Variants in PFDN1 observed in about 807,000 individuals in gnomAD.
PFDN1 encodes prefoldin 1.
A neutral mutation model predicts 17.3 loss-of-function variants in PFDN1; 6 were observed. The observed-to-expected ratio is 0.35, with a 90% CI of 0.19 to 0.69. PFDN1 has a LOEUF of 0.69. Ranked by LOEUF, PFDN1 falls within the 30% of genes least tolerant of loss-of-function variation. The pLI is 0.65. For missense variants in PFDN1, 113 were observed against 146.2 expected (o/e 0.77, Z 1.17); for synonymous variants, 58 against 50.1 (o/e 1.16, Z -0.67).
chr5:140,279,415 A>G (rs1246653989), intron 3 of PFDN1, among the ~76,000 whole-genome samples: 3 of 152,126 alleles, frequency 2.0e-5, no homozygotes, highest in Non-Finnish European at 2.9e-5. Flanking sequence ...GCAGAAAGTA[A>G]ATTTCTTAAT....
At chr5:140,274,530 G>A (rs2116790) in intron 3 of PFDN1, among the ~76,000 whole-genome samples, 71,680 of 151,950 alleles carry the variant, frequency 0.47, 17,143 homozygotes, top group South Asian at 0.71. Flanking sequence ...ATTTTCTCGT[G>A]AATAGGATCA....
intron 3 of PFDN1, among the ~76,000 whole-genome samples, chr5:140,271,923 CAT>C (rs947658867): frequency 7.4e-5 from 11 of 148,904 alleles, no homozygotes; most frequent in East Asian, 1.9e-4. Flanking sequence ...TATACACACA[CAT>C]ATATATACAT....
chr5:140,262,586 C>T (rs887338533), intron 3 of PFDN1: 5 of 455,188 alleles, frequency 1.1e-5, no homozygotes, highest in Non-Finnish European at 2.2e-5. Context: ...AATGTTTGTG[C>T]TTCATATGGA....
chr5:140,245,646 C>T lies in PFDN1; in HGVS notation c.*328G>A, dbSNP rs189160340. The T allele has an allele frequency of 3.8e-4, 262 of 682,798 alleles. No homozygotes were observed. In the East Asian group the frequency reaches 5.0e-3, roughly 13 times the overall value. 42.3% of individuals were successfully genotyped at this position (682,798 alleles called of 1,614,324 possible). On this transcript the variant is annotated 3_prime_UTR_variant, in exon 4 of 4. Transcript: ENST00000261813. ...ACCAGGCTTAGCAGAGTGGGACAGA[C>T]GCTTTTTATTGGTCTGGCTGGCGTG...
In PFDN1 at chr5:140,245,987, C is replaced by T. The variant is rs1333518394; in HGVS notation, c.356G>A (p.Arg119Gln). Residue 119 changes from arginine to glutamine, a missense_variant, in exon 4 of 4, where the codon CGA becomes CAA. Arg to Gln is a conservative substitution (Grantham distance 43). Coordinates refer to ENST00000261813, the MANE Select transcript of PFDN1 (RefSeq NM_002622.5). Reference sequence around the variant, plus strand: ...CAGAGAGGCTCCCTACTGGGCCCTTCGTGCCATCAGCATCTCCCGGATGTT... The same window carrying T: ...CAGAGAGGCTCCCTACTGGGCCCTTTGTGCCATCAGCATCTCCCGGATGTT... ...EDNIREMLMARRAQ is the reference protein window; with the variant it reads ...EDNIREMLMAQRAQ 9 of 1,555,822 alleles carry T rather than the reference C, an allele frequency of 5.8e-6. No individual in the cohort carries two copies. The highest frequency in any genetic ancestry group is 1.7e-6 in the Non-Finnish European group (2 of 1,147,650).
intron 3 of PFDN1, among the ~76,000 whole-genome samples, chr5:140,275,418 A>AG (rs1485246203): frequency 3.9e-5 from 6 of 151,938 alleles, no homozygotes; most frequent in African/African-American, 1.2e-4. Flanking sequence ...CAAAAAAAAA[A>AG]AAAAAAGACA....
chr5:140,279,010 T>C (rs1463384384), intron 3 of PFDN1, among the ~76,000 whole-genome samples: 2 of 82,044 alleles, frequency 2.4e-5, no homozygotes, highest in Admixed American at 2.2e-4. Flanking sequence ...GAGCCCATGA[T>C]GATGGGAATC....
At chr5:140,275,895 TATGAACCTTA>T (rs1765283707) in intron 3 of PFDN1, among the ~76,000 whole-genome samples, 1 of 152,046 alleles carries the variant, frequency 6.6e-6, no homozygotes, top group Admixed American at 6.6e-5. Flanking sequence ...CCCCAACCAA[TATGAACCTTA>T]CTCTTTCAGA....
intron 3 of PFDN1, among the ~76,000 whole-genome samples, chr5:140,253,110 C>T (rs909912089): frequency 6.6e-6 from 1 of 152,192 alleles, no homozygotes; most frequent in Non-Finnish European, 1.5e-5. Flanking sequence ...AGAGAAATCT[C>T]GGAAGGAGTT....
chr5:140,256,341 C>T (rs533037796), intron 3 of PFDN1, among the ~76,000 whole-genome samples: 1 of 152,196 alleles, frequency 6.6e-6, no homozygotes, highest in Admixed American at 6.5e-5. Context: ...GATCAAGCCA[C>T]TGTACTCCAG....
chr5:140,291,665 T>C (rs556693461), intron 2 of PFDN1, among the ~76,000 whole-genome samples: 3 of 112,634 alleles, frequency 2.7e-5, no homozygotes, highest in African/African-American at 9.1e-5. Context: ...TGAGTACATA[T>C]AGACAAAAAA....
intron 2 of PFDN1, among the ~76,000 whole-genome samples, chr5:140,286,411 C>CAAAAAAAAAAA (rs70988742): frequency 2.4e-5 from 2 of 83,516 alleles, no homozygotes; most frequent in Admixed American, 1.3e-4. Context: ...GACTCTGTCT[C>CAAAAAAAAAAA]AAAAAAAAAA....
chr5:140,273,943 C>CA (rs1247577251), intron 3 of PFDN1: 69 of 966,170 alleles, frequency 7.1e-5, no homozygotes, highest in Admixed American at 1.2e-4. Flanking sequence ...CCACCTGGAA[C>CA]AAAAAAAACA....
chr5:140,245,228 G>GC lies in PFDN1; in HGVS notation c.*745dup. 1 of 408,048 alleles carries GC rather than the reference G, an allele frequency of 2.5e-6. No individual in the cohort carries two copies. The highest frequency in any genetic ancestry group is 4.1e-5 in the East Asian group (1 of 24,632). 25.3% of individuals were successfully genotyped at this position (408,048 alleles called of 1,614,324 possible). On this transcript the variant is annotated 3_prime_UTR_variant, in exon 4 of 4. Transcript: ENST00000261813. ...GATGAGCCAGCTGGATCACACCGTTGCCCCCTCAGCCTCTAGGAGGCCTCA... is the reference window on the plus strand; with the variant it reads ...GATGAGCCAGCTGGATCACACCGTTGCCCCCCTCAGCCTCTAGGAGGCCTCA...
chr5:140,257,342 T>C (rs1765003600), intron 3 of PFDN1, among the ~76,000 whole-genome samples: 1 of 152,144 alleles, frequency 6.6e-6, no homozygotes, highest in Non-Finnish European at 1.5e-5. Flanking sequence ...TCCACTTCAT[T>C]ACTACTCTGT....
Position 140,291,280 on chromosome 5 carries a change from T to A in PFDN1, c.200+9136A>T, listed in dbSNP as rs190765170. 3.3e-3 allele frequency among the ~76,000 whole-genome samples: 500 copies of A among 152,004 alleles called. 6 individuals carry two copies. The highest frequency in any genetic ancestry group is 9.8e-3 in the African/African-American group (408 of 41,438). ...AAACCAATGGTAAATTAGACCAGGG[T>A]GGTGGTAAGTAGAAGTCTTCAGATT... On this transcript the variant is annotated intron_variant, in intron 2 of 3. Transcript: ENST00000261813.
chr5:140,288,003 A>C (rs917596443), intron 2 of PFDN1, among the ~76,000 whole-genome samples: 4 of 152,262 alleles, frequency 2.6e-5, no homozygotes, highest in Non-Finnish European at 4.4e-5. Flanking sequence ...AAAATGGTAC[A>C]GCCCACTTTG....
rs552198898 is a variant in PFDN1, at chr5:140,276,271, T to C, written c.285+5178A>G. Among the ~76,000 whole-genome samples, 34 of 152,152 alleles carry C rather than the reference T, an allele frequency of 2.2e-4. No homozygotes were observed. The South Asian group carries it at 7.1e-3, about 32-fold the overall frequency. ...AGTTTATATTTCCAAATCCCTACAA[T>C]GTGCTAAGAAACTAACAGAGTAACC... On this transcript the variant is annotated intron_variant, in intron 3 of 3. Coordinates refer to ENST00000261813, the MANE Select transcript of PFDN1 (RefSeq NM_002622.5).
In PFDN1 at chr5:140,279,888, G is replaced by A. The variant is rs533741708; in HGVS notation, c.285+1561C>T. Reference sequence around the variant, plus strand: ...CGCATGCCTGTAATCCCAGCTACTTGGGAAGCTGAGACAGGAGAATCGCTT... The same window carrying A: ...CGCATGCCTGTAATCCCAGCTACTTAGGAAGCTGAGACAGGAGAATCGCTT... On this transcript the variant is annotated intron_variant, in intron 3 of 3. Coordinates refer to ENST00000261813, the MANE Select transcript of PFDN1 (RefSeq NM_002622.5). Among the ~76,000 whole-genome samples the A allele has an allele frequency of 6.4e-4, 97 of 151,128 alleles. 1 individual carries two copies. The Middle Eastern group carries it at 0.014, about 21-fold the overall frequency.
Sources: gnomAD v4.1 joint callset for allele counts (sites outside exome capture counted in the v4.1 genomes callset) on GRCh38, gnomAD v4.1.1 for gene constraint, MANE v1.5 for transcripts, NCBI Gene and HGNC (gene_info 2026-07-23, HGNC 2026-07-21) for gene names.